THBS4: variants seen among roughly 807,000 people sequenced by gnomAD.
The protein encoded by THBS4 is thrombospondin 4.
Under a neutral mutation model 115.7 loss-of-function variants are expected in THBS4, and 90 were observed. The observed-to-expected ratio is 0.78, with a 90% CI of 0.66 to 0.93. The LOEUF (loss-of-function observed/expected upper bound fraction) is 0.93. THBS4 is among the 40% of genes least tolerant of loss of function. THBS4 has a pLI of 0.00. For synonymous variants in THBS4, 460 were observed against 479.3 expected (o/e 0.96, Z 0.53); for missense variants, 1,087 against 1,232.7 (o/e 0.88, Z 1.77).
At chr5:80,064,272 T>TA (rs1196803635) in intron 8 of THBS4, among the ~76,000 whole-genome samples, 11 of 152,116 alleles carry the variant, frequency 7.2e-5, no homozygotes, top group African/African-American at 2.4e-4. Context: ...GCCAAAAAAT[T>TA]AAAATAATAA....
intron 1 of THBS4, among the ~76,000 whole-genome samples, chr5:80,038,470 G>A (rs11739940): frequency 0.26 from 38,756 of 151,814 alleles, 5,020 homozygotes; most frequent in Middle Eastern, 0.36. Context: ...AGTTGTTTTC[G>A]GTTTTGATAT....
chr5:80,072,205 C>T lies in THBS4; in HGVS notation c.1721-73C>T, dbSNP rs537889855. The T allele has an allele frequency of 1.5e-4, 199 of 1,370,002 alleles. 1 individual carries two copies. The highest frequency in any genetic ancestry group is 2.8e-4 in the African/African-American group (19 of 67,650). The allele number at this position is 1,370,002 out of a possible 1,614,324, so 84.9% of individuals were successfully genotyped here. A position where few individuals can be genotyped will look rare whatever the true frequency, so the allele number is the denominator to read the frequency against. ...GCCCAGGCAGAAGTGACTCACCATGCGCCTGATCTCTCCAGCACCTAGAAG... is the reference window on the plus strand; with the variant it reads ...GCCCAGGCAGAAGTGACTCACCATGTGCCTGATCTCTCCAGCACCTAGAAG... On this transcript the variant is annotated intron_variant, in intron 13 of 21. Coordinates refer to ENST00000350881, the MANE Select transcript of THBS4 (RefSeq NM_003248.6).
At chr5:80,018,606 G>A (rs1419423385) in intron 2 of THBS4, among the ~76,000 whole-genome samples, 4 of 151,748 alleles carry the variant, frequency 2.6e-5, no homozygotes, top group Non-Finnish European at 5.9e-5. Flanking sequence ...TGTTGGCCAG[G>A]CTGTTCTCAA....
intron 20 of THBS4, among the ~76,000 whole-genome samples, chr5:80,081,337 C>T (rs1358042065): frequency 6.6e-6 from 1 of 152,130 alleles, no homozygotes; most frequent in East Asian, 1.9e-4. Flanking sequence ...TTTTGAAATG[C>T]CCCCTTTTCC....
chr5:80,073,883 A>T (rs1158603037), intron 15 of THBS4, among the ~76,000 whole-genome samples: 1 of 152,150 alleles, frequency 6.6e-6, no homozygotes, highest in Non-Finnish European at 1.5e-5. Context: ...ATTTCAGGAG[A>T]GGTAATATAG....
chr5:80,005,037 CA>C (rs201419028), intron 2 of THBS4, among the ~76,000 whole-genome samples: 1,830 of 150,692 alleles, frequency 0.012, 42 homozygotes, highest in African/African-American at 0.043. Flanking sequence ...CACGCCCAGC[CA>C]AAAAAAACAA....
chr5:80,060,759 A>C (rs550161065), intron 7 of THBS4, among the ~76,000 whole-genome samples: 1 of 152,002 alleles, frequency 6.6e-6, no homozygotes, highest in East Asian at 1.9e-4. Context: ...TCAAAAAAAC[A>C]AACAAAAAAA....
At chr5:79,992,591 A>G (rs182964557) in intron 1 of THBS4, among the ~76,000 whole-genome samples, 84 of 152,382 alleles carry the variant, frequency 5.5e-4, no homozygotes, top group Non-Finnish European at 7.9e-4. Flanking sequence ...AATGCATAAC[A>G]TATGTACCAT....
intron 2 of THBS4, among the ~76,000 whole-genome samples, chr5:80,006,251 T>G (rs765051912): frequency 6.6e-6 from 1 of 152,190 alleles, no homozygotes; most frequent in Non-Finnish European, 1.5e-5. Context: ...CTCATTTGAA[T>G]TGTACTCCCA....
chr5:80,016,102 T>G (rs967886451), intron 2 of THBS4, among the ~76,000 whole-genome samples: 1 of 152,208 alleles, frequency 6.6e-6, no homozygotes, highest in Non-Finnish European at 1.5e-5. Flanking sequence ...TGCCAGACTT[T>G]GCCTCACTGA....
intron 1 of THBS4, among the ~76,000 whole-genome samples, chr5:79,992,706 TAC>T (rs1192818459): frequency 9.2e-5 from 14 of 152,276 alleles, no homozygotes; most frequent in Admixed American, 6.5e-4. Context: ...CTCGGGAGTT[TAC>T]AGTGCACAAA....
intron 20 of THBS4, among the ~76,000 whole-genome samples, chr5:80,081,429 G>A (rs1402771442): frequency 6.6e-6 from 1 of 152,108 alleles, no homozygotes; most frequent in Non-Finnish European, 1.5e-5. Flanking sequence ...CAATATCATA[G>A]AGAAATAAGA....
chr5:80,068,084 G>A lies in THBS4; in HGVS notation c.1306G>A (p.Ala436Thr). ...AGAGCTGAACCCTTGCAGTGTGAAT[G>A]CCCAGTGCATTGAAGAGAGGCAGGG... is the stretch of plus-strand genomic sequence containing the variant. Reference protein sequence around the residue: ...NPELNPCSVNAQCIEERQGDV... With the variant: ...NPELNPCSVNTQCIEERQGDV... Residue 436 changes from alanine (A) to threonine (T), a missense_variant, in exon 10 of 22, where the codon GCC becomes ACC. By Grantham distance (58) the Ala-to-Thr change is moderately conservative. Transcript: ENST00000350881. 6.2e-7 allele frequency: 1 copy of A among 1,614,194 alleles called. No individual in the cohort carries two copies. Among genetic ancestry groups the A allele is most frequent in the South Asian group, 1.1e-5 (1 of 91,086 alleles).
At chr5:80,074,930 T>A (rs1265702185) in intron 15 of THBS4, among the ~76,000 whole-genome samples, 1 of 152,072 alleles carries the variant, frequency 6.6e-6, no homozygotes, top group Admixed American at 6.6e-5. Context: ...CATATAGTCA[T>A]CCCTCAGTGT....
intron 8 of THBS4, among the ~76,000 whole-genome samples, chr5:80,063,349 T>C (rs1052547952): frequency 6.6e-6 from 1 of 152,242 alleles, no homozygotes; most frequent in African/African-American, 2.4e-5. Flanking sequence ...TGTCTGTTCA[T>C]ATCCTTTGCC....
chr5:80,048,494 A>G (rs1054227910), intron 2 of THBS4, among the ~76,000 whole-genome samples: 1 of 152,172 alleles, frequency 6.6e-6, no homozygotes, highest in Non-Finnish European at 1.5e-5. Context: ...CTGTAACATG[A>G]CCTTGGGCTT....
intron 2 of THBS4, among the ~76,000 whole-genome samples, chr5:80,046,532 A>T (rs567009808): frequency 5.2e-4 from 79 of 152,184 alleles, no homozygotes; most frequent in Non-Finnish European, 1.0e-3. Flanking sequence ...GTATTTTGGG[A>T]TTGCCCAGAA....
chr5:80,073,827 T>G (rs1743044092), intron 15 of THBS4, among the ~76,000 whole-genome samples: 1 of 152,214 alleles, frequency 6.6e-6, no homozygotes, highest in Non-Finnish European at 1.5e-5. Context: ...GTATAGGGTA[T>G]AACGGTGTCA....
intron 2 of THBS4, among the ~76,000 whole-genome samples, chr5:80,003,120 A>G (rs1372157459): frequency 4.6e-5 from 7 of 152,112 alleles, no homozygotes; most frequent in Non-Finnish European, 7.4e-5. Flanking sequence ...GAGAAAGGGT[A>G]GGGGAATCGA....
Sources: allele counts gnomAD v4.1 joint callset (sites outside exome capture counted in the v4.1 genomes callset), GRCh38; gene constraint gnomAD v4.1.1; transcripts MANE v1.5; gene names NCBI Gene and HGNC (gene_info 2026-07-23, HGNC 2026-07-21).